Variants in CNIH3 observed in about 807,000 individuals in gnomAD.
CNIH3 encodes cornichon family AMPA receptor auxiliary protein 3.
Under a neutral mutation model 24.1 loss-of-function variants are expected in CNIH3, and 14 were observed. The observed-to-expected ratio is 0.58, with a 90% CI of 0.38 to 0.91. CNIH3 has a LOEUF of 0.91. Ranked by LOEUF, CNIH3 falls within the 40% of genes least tolerant of loss-of-function variation. The probability of loss-of-function intolerance (pLI) is 0.00; values close to 1 mark genes in which losing one functional copy is unlikely to be tolerated. For missense variants in CNIH3, 178 were observed against 196.8 expected, an observed-to-expected ratio of 0.90 and a Z score of 0.57; for synonymous variants, 68 against 73.8, an observed-to-expected ratio of 0.92 and a Z score of 0.40.
chr1:224,664,470 A>G (rs1685505492), intron 1 of CNIH3, among the ~76,000 whole-genome samples: 1 of 152,068 alleles, frequency 6.6e-6, no homozygotes, highest in Admixed American at 6.5e-5. Context: ...TCCATCAAAT[A>G]TTTTTGCTGG....
At chr1:224,463,216 T>C (rs549933740) in intron 1 of CNIH3, among the ~76,000 whole-genome samples, 19 of 152,218 alleles carry the variant, frequency 1.2e-4, no homozygotes, top group African/African-American at 4.1e-4. Context: ...TTTAAGAAGC[T>C]ACCAAAATGT....
At chr1:224,571,263 G>C (rs903336688) in intron 4 of CNIH3, among the ~76,000 whole-genome samples, 1 of 152,214 alleles carries the variant, frequency 6.6e-6, no homozygotes, top group Non-Finnish European at 1.5e-5. Flanking sequence ...TCTTTTGAGA[G>C]TGGCCCTAAT....
intron 3 of CNIH3, among the ~76,000 whole-genome samples, chr1:224,702,458 G>A (rs551061654): frequency 1.3e-5 from 2 of 152,320 alleles, no homozygotes; most frequent in East Asian, 3.9e-4. Flanking sequence ...CCCACCAGCA[G>A]TATAAGAGAG....
At chr1:224,448,373 T>C (rs1479517549) in intron 1 of CNIH3, among the ~76,000 whole-genome samples, 1 of 152,130 alleles carries the variant, frequency 6.6e-6, no homozygotes, top group Non-Finnish European at 1.5e-5. Flanking sequence ...GGAATGGAAG[T>C]GGGGCTACTT....
At chr1:224,439,037 C>A (rs1215100443) in intron 1 of CNIH3, among the ~76,000 whole-genome samples, 1 of 152,168 alleles carries the variant, frequency 6.6e-6, no homozygotes, top group Non-Finnish European at 1.5e-5. Flanking sequence ...CTCAGCCCTG[C>A]CACTCAGCTG....
chr1:224,492,781 C>T (rs1219356461), intron 1 of CNIH3, among the ~76,000 whole-genome samples: 2 of 152,206 alleles, frequency 1.3e-5, no homozygotes, highest in African/African-American at 4.8e-5. Flanking sequence ...ATAACATCAG[C>T]TCCTGCTCAA....
intron 1 of CNIH3, among the ~76,000 whole-genome samples, chr1:224,642,414 A>T (rs2125093652): frequency 6.6e-6 from 1 of 152,238 alleles, no homozygotes; most frequent in East Asian, 1.9e-4. Context: ...TTTTTCGTAA[A>T]GACAGGAATC....
At chr1:224,709,611 A>G (rs796265276) in intron 3 of CNIH3, among the ~76,000 whole-genome samples, 1 of 152,328 alleles carries the variant, frequency 6.6e-6, no homozygotes, top group African/African-American at 2.4e-5. Context: ...ACATGCTTGC[A>G]GGAGTAGAGA....
intron 3 of CNIH3, among the ~76,000 whole-genome samples, chr1:224,729,817 A>G (rs528529183): frequency 6.6e-6 from 1 of 152,234 alleles, no homozygotes; most frequent in African/African-American, 2.4e-5. Flanking sequence ...ACTTCCCACC[A>G]TCAGGCCTTT....
chr1:224,617,014 C>T lies in CNIH3; in HGVS notation c.-161C>T, dbSNP rs2125060626. 3 of 1,413,616 alleles carry T rather than the reference C, an allele frequency of 2.1e-6. No homozygotes were observed. Among genetic ancestry groups the T allele is most frequent in the Non-Finnish European group, 2.8e-6 (3 of 1,088,114 alleles). The allele number at this position is 1,413,616 out of a possible 1,614,324, so 87.6% of individuals were successfully genotyped here. ...AGCCTGCGGGAATCCAGCGCTTATT[C>T]GCTGACCCTCGAGTCGCTTCGCTAG... On this transcript the variant is annotated 5_prime_UTR_variant, in exon 1 of 6. Transcript: ENST00000272133.
chr1:224,509,512 T>G (rs1318449974), intron 1 of CNIH3, among the ~76,000 whole-genome samples: 3 of 152,114 alleles, frequency 2.0e-5, no homozygotes, highest in African/African-American at 4.8e-5. Context: ...ATGCAGCCCC[T>G]TCTCCCTGGC....
At chr1:224,544,308 T>C (rs547694815) in intron 2 of CNIH3, among the ~76,000 whole-genome samples, 20 of 152,296 alleles carry the variant, frequency 1.3e-4, no homozygotes, top group African/African-American at 4.6e-4. Flanking sequence ...TCTCAAGCAG[T>C]CAGCAGTGAT....
rs545293115 is a variant in CNIH3 at position 224,577,361 on chromosome 1, GA to G, written n.517-5796del. On this transcript the variant is annotated intron_variant and non_coding_transcript_variant, in intron 4 of 5. Transcript: ENST00000471578. ...ACAAGGAACTCAAACAAATCAGCAAGAAAAAAACCAAATAATCCCATCAAAA... is the reference window on the plus strand; with the variant it reads ...ACAAGGAACTCAAACAAATCAGCAAGAAAAAACCAAATAATCCCATCAAAA... Among the ~76,000 whole-genome samples, 656 of 151,608 alleles carry G rather than the reference GA, an allele frequency of 4.3e-3. 8 individuals carry two copies. The highest frequency in any genetic ancestry group is 3.8e-3 in the Non-Finnish European group (258 of 67,830).
At chr1:224,579,207 T>C (rs188616503) in intron 4 of CNIH3, among the ~76,000 whole-genome samples, 4 of 152,264 alleles carry the variant, frequency 2.6e-5, no homozygotes, top group Admixed American at 6.5e-5. Context: ...TTGAGGTTCC[T>C]TTTTGTCTTT....
chr1:224,687,875 G>T (rs1252325679), intron 3 of CNIH3, among the ~76,000 whole-genome samples: 1 of 152,228 alleles, frequency 6.6e-6, no homozygotes, highest in East Asian at 1.9e-4. Flanking sequence ...CTGAAGAACT[G>T]GGGGTTGCTG....
At chr1:224,715,212 G>A (rs1688364606) in intron 3 of CNIH3, among the ~76,000 whole-genome samples, 1 of 152,142 alleles carries the variant, frequency 6.6e-6, no homozygotes, top group Non-Finnish European at 1.5e-5. Flanking sequence ...GTGTCTGGCA[G>A]CCATGTCTCC....
rs140701921 is a variant in CNIH3, at chr1:224,688,501, CTAAG to C, written c.198+3664_198+3667del. Among the ~76,000 whole-genome samples the C allele has an allele frequency of 9.6e-3, 1,457 of 152,268 alleles. 21 individuals are homozygous for C. Among genetic ancestry groups the C allele is most frequent in the African/African-American group, 0.033 (1,373 of 41,528 alleles). ...ACTGAAGGTGCTCGGTGAGTATTTA[CTAAG>C]TAAGTGAGTGAATGAGTGCCAACTT... On this transcript the variant is annotated intron_variant, in intron 3 of 5. Coordinates refer to ENST00000272133, the MANE Select transcript of CNIH3 (RefSeq NM_152495.2).
chr1:224,480,040 T>C (rs1572332282), intron 1 of CNIH3, among the ~76,000 whole-genome samples: 1 of 152,334 alleles, frequency 6.6e-6, no homozygotes, highest in Non-Finnish European at 1.5e-5. Flanking sequence ...CTGTCCCTGC[T>C]GCAAACTTCT....
At chr1:224,572,349 C>T (rs949321728) in intron 4 of CNIH3, among the ~76,000 whole-genome samples, 4 of 151,948 alleles carry the variant, frequency 2.6e-5, no homozygotes, top group Admixed American at 1.3e-4. Context: ...AACCCTGTCT[C>T]TACTAAAAAT....
Sources: gnomAD v4.1 joint callset for allele counts (sites outside exome capture counted in the v4.1 genomes callset) on GRCh38, gnomAD v4.1.1 for gene constraint, MANE v1.5 for transcripts, NCBI Gene and HGNC (gene_info 2026-07-23, HGNC 2026-07-21) for gene names.